MYL2: variants seen among roughly 807,000 people sequenced by gnomAD.
MYL2 encodes the protein myosin regulatory light chain 2, ventricular/cardiac muscle isoform.
In MYL2, 19 loss-of-function variants were observed where a neutral mutation model predicts 23.0. The observed-to-expected ratio is 0.83, with a 90% CI of 0.58 to 1.21. The LOEUF is 1.21. MYL2 is among the 50% of genes most tolerant of loss of function. The probability of loss-of-function intolerance (pLI) is 0.00; values close to 1 mark genes in which losing one functional copy is unlikely to be tolerated. For missense variants in MYL2, 180 were observed against 215.1 expected (o/e 0.84, Z 1.02); for synonymous variants, 78 against 76.2 (o/e 1.02, Z -0.13).
At chr12:110,915,669 T>C (rs2071683246) in intron 3 of MYL2, 46 bp downstream of exon 3, 4 of 1,558,560 alleles carry the variant, frequency 2.6e-6, no homozygotes, top group Non-Finnish European at 3.5e-6. Flanking sequence ...TCCTCATGGA[T>C]GTGAGATAAA....
chr12:110,920,603 T>C, upstream of MYL2: 1 of 1,608,352 alleles, frequency 6.2e-7, no homozygotes, highest in Non-Finnish European at 8.5e-7. Flanking sequence ...CCAGGAACAA[T>C]AAATACTTCC....
At chr12:110,913,417 G>A in intron 4 of MYL2, 93 bp from the exon 5 acceptor site, 1 of 1,312,020 alleles carries the variant, frequency 7.6e-7, no homozygotes, top group Non-Finnish European at 1.1e-6. Context: ...AGAGATGAAG[G>A]GGCCAGAGCA....
chr12:110,915,664 A>C (rs1462054413), intron 3 of MYL2, 51 bp downstream of exon 3: 2 of 1,555,930 alleles, frequency 1.3e-6, no homozygotes, highest in Admixed American at 3.3e-5. Context: ...CCTGCTCCTC[A>C]TGGATGTGAG....
At chr12:110,919,952 C>G (rs2136778410) in intron 1 of MYL2, among the ~76,000 whole-genome samples, 1 of 152,238 alleles carries the variant, frequency 6.6e-6, no homozygotes, top group East Asian at 1.9e-4. Flanking sequence ...GATCACACAG[C>G]CACACACACA....
intron 2 of MYL2, among the ~76,000 whole-genome samples, chr12:110,916,077 T>C (rs932977812): frequency 5.9e-5 from 9 of 152,268 alleles, no homozygotes; most frequent in Admixed American, 6.5e-5. Flanking sequence ...GGCTCACGCC[T>C]GTAATCCCAG....
intron 1 of MYL2, among the ~76,000 whole-genome samples, chr12:110,919,761 C>T (rs532913795): frequency 3.9e-5 from 6 of 152,292 alleles, no homozygotes; most frequent in Middle Eastern, 6.8e-3. Context: ...CAGAGAAGAG[C>T]GAGTTGACCT....
rs970017684 is a variant in MYL2 at position 110,918,904 on chromosome 12, T to A, written c.93+200A>T. On this transcript the variant is annotated intron_variant, in intron 2 of 6. Transcript: ENST00000228841. The surrounding 1 kb of genome is among the most constrained non-coding windows in gnomAD (Gnocchi z 4.4). ...TTCCAACATTTTTCAACATGGAATA[T>A]GTTTTACTTTGATAATCAGTGAAAA... 2 of 587,390 alleles carry A rather than the reference T, an allele frequency of 3.4e-6. No homozygotes were observed. Among genetic ancestry groups the A allele is most frequent in the Non-Finnish European group, 6.0e-6 (2 of 333,944 alleles). The allele number at this position is 587,390 out of a possible 1,614,324, so 36.4% of individuals were successfully genotyped here.
intron 1 of MYL2, among the ~76,000 whole-genome samples, chr12:110,919,634 A>G (rs2071707681): frequency 6.6e-6 from 1 of 152,194 alleles, no homozygotes; most frequent in Admixed American, 6.5e-5. Context: ...AGATGAAATG[A>G]CAGTTCTTCA....
At position 110,913,332 on chromosome 12, in the gene MYL2, G is replaced by A. The variant is rs765328765; in HGVS notation, c.275-8C>T. The A allele has an allele frequency of 1.1e-5, 17 of 1,614,076 alleles. No homozygotes were observed. Among genetic ancestry groups the A allele is most frequent in the Admixed American group, 1.0e-4 (6 of 60,012 alleles). On this transcript the variant is annotated splice_polypyrimidine_tract_variant and splice_region_variant and intron_variant, in intron 4 of 6. Transcript: ENST00000228841. ...TTTCCTCAGGGTCCGCTCCTGAAAC[G>A]GAACACAGGGCTTACATGTACTGGG...
Position 110,918,895 on chromosome 12 carries a change from C to A in MYL2, c.93+209G>T, listed in dbSNP as rs1270625730. ...TGAAAAATTTTCCAACATTTTTCAA[C>A]ATGGAATATGTTTTACTTTGATAAT... On this transcript the variant is annotated intron_variant, in intron 2 of 6. Transcript: ENST00000228841. This position sits in a 1 kb window ranked among gnomAD's most constrained non-coding sequence, Gnocchi z 4.4. The A allele has an allele frequency of 1.8e-6, 1 of 568,546 alleles. No homozygotes were observed. The highest frequency in any genetic ancestry group is 3.1e-6 in the Non-Finnish European group (1 of 322,264). The allele number at this position is 568,546 out of a possible 1,614,324, so 35.2% of individuals were successfully genotyped here. A position where few individuals can be genotyped will look rare whatever the true frequency, so the allele number is the denominator to read the frequency against.
intron 6 of MYL2, among the ~76,000 whole-genome samples, chr12:110,912,503 C>G (rs1300409561): frequency 6.6e-6 from 1 of 152,244 alleles, no homozygotes; most frequent in East Asian, 1.9e-4. Flanking sequence ...AAGGCAGAAC[C>G]TGCAGTCACG....
At chr12:110,913,463 C>T (rs527249901) in intron 4 of MYL2, 139 bp from the exon 5 acceptor site, 10 of 819,916 alleles carry the variant, frequency 1.2e-5, no homozygotes, top group Middle Eastern at 2.8e-4. Context: ...ACCCTGCTTT[C>T]GTCTGATCAC....
At position 110,911,066 on chromosome 12, in the gene MYL2, C is replaced by T. The variant is rs145437002; in HGVS notation, c.*11G>A. On this transcript the variant is annotated 3_prime_UTR_variant, in exon 7 of 7. Transcript: ENST00000228841. ...CAAAGACGAGCCCAGGGCGCAGCAGCGAGCCCCCTCCTAGTCCTTCTCTTC... is the reference window on the plus strand; with the variant it reads ...CAAAGACGAGCCCAGGGCGCAGCAGTGAGCCCCCTCCTAGTCCTTCTCTTC... 36 of 1,611,286 alleles carry T rather than the reference C, an allele frequency of 2.2e-5. No homozygotes were observed. The highest frequency in any genetic ancestry group is 1.3e-4 in the East Asian group (6 of 44,844).
In MYL2 at chr12:110,916,995, C is replaced by T. The variant is rs747565083; in HGVS notation, c.94-1205G>A. Among the ~76,000 whole-genome samples, 103 of 152,078 alleles carry T rather than the reference C, an allele frequency of 6.8e-4. 1 individual carries two copies. Among genetic ancestry groups the T allele is most frequent in the Admixed American group, 1.8e-3 (27 of 15,274 alleles). Reference sequence around the variant, plus strand: ...TCCCGAGTAGCTGGGAGTATAGACGCGCATCACCAATGCCCAGCTTATTTT... The same window carrying T: ...TCCCGAGTAGCTGGGAGTATAGACGTGCATCACCAATGCCCAGCTTATTTT... On this transcript the variant is annotated intron_variant, in intron 2 of 6. Transcript: ENST00000228841.
chr12:110,915,186 A>G (rs962719761), intron 3 of MYL2, among the ~76,000 whole-genome samples: 2 of 152,192 alleles, frequency 1.3e-5, no homozygotes, highest in Non-Finnish European at 2.9e-5. Flanking sequence ...GGTTGCCCTG[A>G]GTTCTAAGGT....
In MYL2 at chr12:110,918,022, G is replaced by T. The variant is rs1018607769; in HGVS notation, c.93+1082C>A. Among the ~76,000 whole-genome samples, 12 of 152,280 alleles carry T rather than the reference G, an allele frequency of 7.9e-5. No homozygotes were observed. The highest frequency in any genetic ancestry group is 2.9e-4 in the African/African-American group (12 of 41,568). On this transcript the variant is annotated intron_variant, in intron 2 of 6. Transcript: ENST00000228841. This position sits in a 1 kb window ranked among gnomAD's most constrained non-coding sequence, Gnocchi z 4.4. ...TTGATTAATCTGGGAGGTTGATGCT[G>T]CAGGGAGCCGTGGTTGTGCCACTGC...
chr12:110,915,702 G>A lies in MYL2; in HGVS notation c.169+13C>T, dbSNP rs367740411. 2.0e-5 allele frequency: 32 copies of A among 1,613,096 alleles called. No homozygotes were observed. The highest frequency in any genetic ancestry group is 5.1e-6 in the Non-Finnish European group (6 of 1,179,158). ...AAAGAGACCCTCATGCAGGGCTAGA[G>A]AGGGTGACATACCAAGGGCAGCAAA... On this transcript the variant is annotated intron_variant, in intron 3 of 6. Coordinates refer to ENST00000228841, the MANE Select transcript of MYL2 (RefSeq NM_000432.4).
upstream of MYL2, chr12:110,920,584 C>A: frequency 6.2e-7 from 1 of 1,613,868 alleles, no homozygotes; most frequent in Non-Finnish European, 8.5e-7. Flanking sequence ...CCGCCCAGCT[C>A]TCTGCAGCCC....
chr12:110,913,905 A>T (rs2071671175), intron 4 of MYL2, among the ~76,000 whole-genome samples: 1 of 152,082 alleles, frequency 6.6e-6, no homozygotes, highest in Non-Finnish European at 1.5e-5. Flanking sequence ...GGTGCACACC[A>T]CCATGCCTGG....
Sources: gnomAD v4.1 joint callset for allele counts (sites outside exome capture counted in the v4.1 genomes callset) on GRCh38, gnomAD v4.1.1 for gene constraint, Gnocchi (gnomAD v3.1) non-coding constraint, MANE v1.5 for transcripts, NCBI Gene and HGNC (gene_info 2026-07-23, HGNC 2026-07-21) for gene names.